Variants in MTUS2 observed in about 807,000 individuals in gnomAD.
MTUS2 encodes the protein microtubule associated scaffold protein 2, also known as microtubule-associated tumor suppressor candidate 2.
Under a neutral mutation model 114.1 loss-of-function variants are expected in MTUS2, and 40 were observed. That is an observed-to-expected ratio of 0.35 (90% CI 0.27 to 0.46). MTUS2 has a LOEUF of 0.46. Ranked by LOEUF, MTUS2 falls within the 20% of genes least tolerant of loss-of-function variation. The pLI, the probability that MTUS2 is intolerant of heterozygous loss-of-function variation, is 1.00. For missense variants in MTUS2, 1,679 were observed against 1,705.4 expected, an observed-to-expected ratio of 0.98 and a Z score of 0.27; for synonymous variants, 688 against 672.0, an observed-to-expected ratio of 1.02 and a Z score of -0.37.
At chr13:28,899,279 T>C (rs2137951150) in intron 2 of MTUS2, among the ~76,000 whole-genome samples, 1 of 152,364 alleles carries the variant, frequency 6.6e-6, no homozygotes, top group African/African-American at 2.4e-5. Context: ...TTTCTCTGTA[T>C]ATCGTGAACT....
chr13:29,028,841 G>A (rs1886684125), intron 3 of MTUS2, among the ~76,000 whole-genome samples: 1 of 152,090 alleles, frequency 6.6e-6, no homozygotes, highest in Non-Finnish European at 1.5e-5. Flanking sequence ...AAAAAATGTT[G>A]AGTGATAACT....
At chr13:28,988,950 A>T (rs1884703390) in intron 2 of MTUS2, among the ~76,000 whole-genome samples, 1 of 152,220 alleles carries the variant, frequency 6.6e-6, no homozygotes, top group African/African-American at 2.4e-5. Context: ...CAGCAGGAAG[A>T]TGTTGCTCAT....
At chr13:28,924,007 A>G (rs1005372250) in intron 2 of MTUS2, among the ~76,000 whole-genome samples, 2 of 151,892 alleles carry the variant, frequency 1.3e-5, no homozygotes, top group African/African-American at 4.8e-5. Context: ...TCCCCTAGTC[A>G]CTTATTGTCT....
At chr13:29,192,232 T>C (rs1433719505) in intron 5 of MTUS2, among the ~76,000 whole-genome samples, 1 of 152,216 alleles carries the variant, frequency 6.6e-6, no homozygotes, top group Non-Finnish European at 1.5e-5. Flanking sequence ...GGACATGTTT[T>C]GAAAAAGGTT....
intron 8 of MTUS2, among the ~76,000 whole-genome samples, chr13:29,374,131 A>C (rs576448816): frequency 6.6e-6 from 1 of 152,058 alleles, no homozygotes; most frequent in Admixed American, 6.5e-5. Context: ...AAGATAGATC[A>C]GTAGAAATTG....
chr13:29,491,035 TTG>T (rs138765532), intron 11 of MTUS2, among the ~76,000 whole-genome samples: 22 of 109,336 alleles, frequency 2.0e-4, no homozygotes, highest in South Asian at 5.9e-4. Context: ...GGATGCGGGT[TTG>T]TGTGTGTGTG....
At chr13:29,212,006 T>C (rs551762911) in intron 5 of MTUS2, among the ~76,000 whole-genome samples, 1 of 152,312 alleles carries the variant, frequency 6.6e-6, no homozygotes, top group African/African-American at 2.4e-5. Flanking sequence ...CTTTTGACTC[T>C]TCTTCTGCTT....
chr13:28,928,235 A>G (rs753027743), intron 2 of MTUS2, among the ~76,000 whole-genome samples: 3 of 152,226 alleles, frequency 2.0e-5, no homozygotes, highest in Admixed American at 6.5e-5. Context: ...AGAGATAACC[A>G]AGGCAAAAAC....
At chr13:29,015,335 A>G (rs1720441077) in intron 2 of MTUS2, among the ~76,000 whole-genome samples, 1 of 152,226 alleles carries the variant, frequency 6.6e-6, no homozygotes, top group Non-Finnish European at 1.5e-5. Context: ...CATTCTAATT[A>G]GGAAGAGTTT....
intron 6 of MTUS2, 52 bp from the exon 7 acceptor site, chr13:29,324,561 C>A: frequency 7.3e-7 from 1 of 1,364,828 alleles, no homozygotes; most frequent in Non-Finnish European, 1.0e-6. Context: ...GTTGCCATTT[C>A]AATTTTAAGT....
chr13:29,392,736 G>C (rs970318563), intron 8 of MTUS2, among the ~76,000 whole-genome samples: 1 of 152,128 alleles, frequency 6.6e-6, no homozygotes, highest in African/African-American at 2.4e-5. Flanking sequence ...GTGATTACCA[G>C]GAGTTTCAAG....
intron 8 of MTUS2, among the ~76,000 whole-genome samples, chr13:29,371,976 G>A (rs58299389): frequency 8.4e-5 from 2 of 23,906 alleles, no homozygotes; most frequent in African/African-American, 1.4e-4. Flanking sequence ...CTCAACCCCC[G>A]CCCCCCCCCC....
At chr13:28,844,941 ATT>A (rs1450169371) in intron 2 of MTUS2, among the ~76,000 whole-genome samples, 1 of 151,948 alleles carries the variant, frequency 6.6e-6, no homozygotes, top group Non-Finnish European at 1.5e-5. Context: ...TAAAATTTTA[ATT>A]TAATTTACTT....
intron 2 of MTUS2, among the ~76,000 whole-genome samples, chr13:28,891,461 C>G (rs574151953): frequency 6.6e-6 from 1 of 152,024 alleles, no homozygotes; most frequent in African/African-American, 2.4e-5. Context: ...AAGGCAGAAT[C>G]GTAGGCCGTT....
At chr13:29,140,471 G>A (rs189948892) in intron 5 of MTUS2, among the ~76,000 whole-genome samples, 31 of 152,330 alleles carry the variant, frequency 2.0e-4, no homozygotes, top group Non-Finnish European at 3.1e-4. Flanking sequence ...GCGTAGTGAA[G>A]GAGAACAGAA....
chr13:29,030,885 C>T (rs1480163403), intron 3 of MTUS2, among the ~76,000 whole-genome samples: 2 of 152,148 alleles, frequency 1.3e-5, no homozygotes, highest in Non-Finnish European at 2.9e-5. Context: ...ACTCTTTTCC[C>T]AATTGGCAGG....
At chr13:29,091,064 G>A (rs1338491596) in intron 4 of MTUS2, among the ~76,000 whole-genome samples, 1 of 152,050 alleles carries the variant, frequency 6.6e-6, no homozygotes, top group East Asian at 1.9e-4. Context: ...CAGCAACTTT[G>A]TGCAGGGTTC....
chr13:29,074,435 G>A (rs557488762), intron 4 of MTUS2, among the ~76,000 whole-genome samples: 4 of 152,198 alleles, frequency 2.6e-5, no homozygotes, highest in African/African-American at 9.6e-5. Context: ...GCACATGTGT[G>A]TCTGATAGCA....
chr13:29,416,335 T>C (rs939376194), intron 8 of MTUS2, among the ~76,000 whole-genome samples: 1 of 151,940 alleles, frequency 6.6e-6, no homozygotes, highest in Non-Finnish European at 1.5e-5. Context: ...CAGTTTTTAA[T>C]TGCATTATTT....
Sources: gnomAD v4.1 joint callset for allele counts (sites outside exome capture counted in the v4.1 genomes callset) on GRCh38, gnomAD v4.1.1 for gene constraint, MANE v1.5 for transcripts, NCBI Gene and HGNC (gene_info 2026-07-23, HGNC 2026-07-21) for gene names.